Variants in DCC observed in about 807,000 individuals in gnomAD.
The protein encoded by DCC is netrin receptor DCC.
Under a neutral mutation model 172.5 loss-of-function variants are expected in DCC, and 58 were observed. That is an observed-to-expected ratio of 0.34 (90% CI 0.27 to 0.42). The LOEUF is 0.42. Ranked by LOEUF, DCC falls within the 10% of genes least tolerant of loss-of-function variation. The pLI, the probability that DCC is intolerant of heterozygous loss-of-function variation, is 1.00. For missense variants in DCC, 1,740 were observed against 1,791.0 expected, an observed-to-expected ratio of 0.97 and a Z score of 0.51; for synonymous variants, 709 against 644.5, an observed-to-expected ratio of 1.10 and a Z score of -1.52.
chr18:53,307,891 GTGTATGTATATATATATATA>G (rs1472018637), intron 13 of DCC, among the ~76,000 whole-genome samples: 10 of 47,986 alleles, frequency 2.1e-4, no homozygotes, highest in African/African-American at 5.4e-4. Flanking sequence ...AGCAATGTGT[GTGTATGTATATATATATATA>G]TATATATATA....
chr18:53,257,450 T>C (rs1356948034), intron 12 of DCC, among the ~76,000 whole-genome samples: 1 of 152,238 alleles, frequency 6.6e-6, no homozygotes. Flanking sequence ...AAAGGCCTTT[T>C]CTGCATCTAT....
chr18:53,355,041 C>T (rs933587504), intron 15 of DCC, among the ~76,000 whole-genome samples: 12 of 151,994 alleles, frequency 7.9e-5, no homozygotes, highest in Admixed American at 2.6e-4. Flanking sequence ...AATCCTTTCC[C>T]CATTTCTTGT....
At chr18:52,551,936 T>C (rs2032786269) in intron 1 of DCC, among the ~76,000 whole-genome samples, 1 of 152,114 alleles carries the variant, frequency 6.6e-6, no homozygotes, top group Admixed American at 6.6e-5. Flanking sequence ...TATTGGAATA[T>C]GTATATTGGA....
At chr18:52,996,081 G>A (rs542441322) in intron 5 of DCC, among the ~76,000 whole-genome samples, 1 of 152,086 alleles carries the variant, frequency 6.6e-6, no homozygotes, top group Non-Finnish European at 1.5e-5. Context: ...GCTTGGCTGT[G>A]GCAGGGAGAT....
chr18:53,209,400 G>A (rs1261123930), intron 11 of DCC, among the ~76,000 whole-genome samples: 1 of 152,138 alleles, frequency 6.6e-6, no homozygotes, highest in Non-Finnish European at 1.5e-5. Flanking sequence ...GCTCTTTTCA[G>A]CAACAATTTC....
chr18:52,853,373 A>C (rs1056354507), intron 2 of DCC, among the ~76,000 whole-genome samples: 1 of 152,356 alleles, frequency 6.6e-6, no homozygotes, highest in Middle Eastern at 3.4e-3. Context: ...AGGAGGCAAC[A>C]TTAGTTTCTG....
chr18:52,557,576 T>C (rs867043945), intron 1 of DCC, among the ~76,000 whole-genome samples: 79 of 152,354 alleles, frequency 5.2e-4, no homozygotes, highest in African/African-American at 1.8e-3. Flanking sequence ...TAAAGTTTAC[T>C]TTCTCAACTA....
intron 5 of DCC, among the ~76,000 whole-genome samples, chr18:53,013,673 C>T (rs1223913547): frequency 1.3e-5 from 2 of 149,874 alleles, no homozygotes; most frequent in African/African-American, 2.5e-5. Context: ...CAAACTTGCA[C>T]ATTCTGCACA....
rs139692513 is a variant in DCC at position 52,349,286 on chromosome 18, C to T, written c.91+8408C>T. On this transcript the variant is annotated intron_variant, in intron 1 of 28. Coordinates refer to ENST00000442544, the MANE Select transcript of DCC (RefSeq NM_005215.4). Reference sequence around the variant, plus strand: ...AAAGCCTCAGATGTACTTGCAGAGGCCTCTGTAGTGTGTTGCCTTCTGTGC... The same window carrying T: ...AAAGCCTCAGATGTACTTGCAGAGGTCTCTGTAGTGTGTTGCCTTCTGTGC... 8.1e-4 allele frequency among the ~76,000 whole-genome samples: 124 copies of T among 152,256 alleles called. 1 individual carries two copies. Among genetic ancestry groups the T allele is most frequent in the African/African-American group, 2.8e-3 (116 of 41,548 alleles).
intron 9 of DCC, among the ~76,000 whole-genome samples, chr18:53,202,511 T>A (rs1285162662): frequency 6.6e-6 from 1 of 152,054 alleles, no homozygotes; most frequent in Non-Finnish European, 1.5e-5. Flanking sequence ...GGAAAAAAAA[T>A]CATTATTTTG....
intron 5 of DCC, among the ~76,000 whole-genome samples, chr18:53,025,795 TACACAC>T (rs34351949): frequency 1.4e-3 from 199 of 141,592 alleles, no homozygotes; most frequent in Admixed American, 3.8e-3. Flanking sequence ...AAAACTATGA[TACACAC>T]ACACACACAC....
chr18:52,752,402 C>T (rs767307027), intron 2 of DCC, 28 bp downstream of exon 2: 11 of 1,490,338 alleles, frequency 7.4e-6, no homozygotes, highest in Non-Finnish European at 1.0e-5. Flanking sequence ...TCTCTTCCTC[C>T]TCCTCCTTCC....
intron 2 of DCC, among the ~76,000 whole-genome samples, chr18:52,896,938 C>G (rs1043432582): frequency 6.6e-6 from 1 of 152,096 alleles, no homozygotes; most frequent in Non-Finnish European, 1.5e-5. Context: ...GTATCCTTTC[C>G]TAATTATACA....
chr18:53,276,351 T>G (rs1425603138), intron 12 of DCC, among the ~76,000 whole-genome samples: 3 of 152,182 alleles, frequency 2.0e-5, no homozygotes, highest in Admixed American at 6.6e-5. Context: ...TTTCCTTATT[T>G]TCACATTTTA....
intron 25 of DCC, chr18:53,480,833 C>T (rs921412802): frequency 1.3e-5 from 2 of 152,164 alleles, no homozygotes; most frequent in African/African-American, 4.8e-5. Context: ...AATGTAGCAA[C>T]ATAAAATAAT....
In DCC at chr18:53,086,585, C is replaced by CCTTCTTCTTCTTCTTCTT. The variant is rs755034828; in HGVS notation, c.1261+20432_1261+20449dup. Reference sequence around the variant, plus strand: ...CTTCTTCTTCTTCTTTCTTCTTCTTCCTTCTTCTTCTTCTTCTTCTTCTTC... The same window carrying CCTTCTTCTTCTTCTTCTT: ...CTTCTTCTTCTTCTTTCTTCTTCTTCCTTCTTCTTCTTCTTCTTCTTCTTCTTCTTCTTCTTCTTCTTC... On this transcript the variant is annotated intron_variant, in intron 7 of 28. Transcript: ENST00000442544. 2.3e-4 allele frequency among the ~76,000 whole-genome samples: 8 copies of CCTTCTTCTTCTTCTTCTT among 35,148 alleles called. 1 individual carries two copies. The East Asian group carries it at 3.1e-3, about 14-fold the overall frequency. The allele number at this position is 35,148 out of a possible 152,430, so 23.1% of individuals were successfully genotyped here.
intron 12 of DCC, among the ~76,000 whole-genome samples, chr18:53,296,985 T>C (rs2144761472): frequency 6.6e-6 from 1 of 152,282 alleles, no homozygotes; most frequent in Admixed American, 6.5e-5. Context: ...TTGACGAGGA[T>C]CAAAATGGGT....
chr18:53,515,855 G>T (rs970992973), intron 27 of DCC, among the ~76,000 whole-genome samples: 28 of 151,944 alleles, frequency 1.8e-4, no homozygotes, highest in African/African-American at 6.5e-4. Context: ...AATCAATATC[G>T]TCAAAATGGC....
chr18:52,713,295 A>G lies in DCC; in HGVS notation c.92-38759A>G. Among the ~76,000 whole-genome samples, 2 of 152,266 alleles carry G rather than the reference A, an allele frequency of 1.3e-5. 1 individual carries two copies. The highest frequency in any genetic ancestry group is 3.8e-4 in the East Asian group (2 of 5,202). ...ACTCACAATGCAGACTGTGCAAAAC[A>G]AGACTGCAGGGCTAATATCACAGTC... On this transcript the variant is annotated intron_variant, in intron 1 of 28. Coordinates refer to ENST00000442544, the MANE Select transcript of DCC (RefSeq NM_005215.4).
Sources: gnomAD v4.1 joint callset for allele counts (sites outside exome capture counted in the v4.1 genomes callset) on GRCh38, gnomAD v4.1.1 for gene constraint, MANE v1.5 for transcripts, NCBI Gene and HGNC (gene_info 2026-07-23, HGNC 2026-07-21) for gene names.